The following PITPNA variants were observed in gnomAD, a reference collection of about 807,000 sequenced individuals.
The protein encoded by PITPNA is phosphatidylinositol transfer protein alpha, also known as phosphatidylinositol transfer protein alpha isoform.
In PITPNA, 13 loss-of-function variants were observed where a neutral mutation model predicts 50.3. The ratio of observed to expected loss-of-function variants is 0.26; its 90% CI spans 0.17 to 0.41. The LOEUF (loss-of-function observed/expected upper bound fraction) is 0.41. Among genes scored for constraint, PITPNA ranks in the 10% least tolerant of loss-of-function variants. The pLI, the probability that PITPNA is intolerant of heterozygous loss-of-function variation, is 1.00. For missense variants in PITPNA, 207 were observed against 333.4 expected, an observed-to-expected ratio of 0.62 and a Z score of 2.95; for synonymous variants, 120 against 119.6, an observed-to-expected ratio of 1.00 and a Z score of -0.02.
intron 10 of PITPNA, among the ~76,000 whole-genome samples, chr17:1,532,101 T>G (rs1290728811): frequency 6.6e-6 from 1 of 152,200 alleles, no homozygotes; most frequent in Non-Finnish European, 1.5e-5. Context: ...TTTCTTTTTT[T>G]CCTTGAGACG....
chr17:1,528,723 C>A (rs544850571), intron 10 of PITPNA, among the ~76,000 whole-genome samples: 3 of 149,722 alleles, frequency 2.0e-5, no homozygotes, highest in South Asian at 2.1e-4. Context: ...GGCCACAGAG[C>A]GAGACTGTCT....
intron 6 of PITPNA, among the ~76,000 whole-genome samples, chr17:1,539,882 G>A (rs139506278): frequency 2.6e-5 from 4 of 152,362 alleles, no homozygotes; most frequent in African/African-American, 4.8e-5. Flanking sequence ...GATTACAGGC[G>A]TGGGCTACCA....
intron 10 of PITPNA, among the ~76,000 whole-genome samples, chr17:1,522,071 C>CTTTTCTTTTTTTTTTT (rs751204255): frequency 3.5e-5 from 5 of 141,614 alleles, no homozygotes; most frequent in South Asian, 2.2e-4. Flanking sequence ...TATGAAACAT[C>CTTTTCTTTTTTTTTTT]TTTTTTTTTT....
intron 10 of PITPNA, among the ~76,000 whole-genome samples, chr17:1,528,500 A>G (rs1223762396): frequency 6.6e-6 from 1 of 152,182 alleles, no homozygotes; most frequent in Non-Finnish European, 1.5e-5. Flanking sequence ...TAATCCCAGC[A>G]CTTTGGGAAA....
At chr17:1,546,004 T>C (rs773173896) in intron 4 of PITPNA, among the ~76,000 whole-genome samples, 6 of 150,244 alleles carry the variant, frequency 4.0e-5, no homozygotes, top group African/African-American at 9.8e-5. Flanking sequence ...CTCGGCTCAC[T>C]GTAACCTCCG....
At chr17:1,556,240 T>G (rs558867181) in intron 2 of PITPNA, among the ~76,000 whole-genome samples, 1 of 152,340 alleles carries the variant, frequency 6.6e-6, no homozygotes, top group East Asian at 1.9e-4. Context: ...GGTACTTTCT[T>G]GTCAATGGTT....
At chr17:1,535,088 C>T (rs1263310021) in intron 9 of PITPNA, 94 bp downstream of exon 9, 3 of 763,048 alleles carry the variant, frequency 3.9e-6, no homozygotes, top group Non-Finnish European at 6.8e-6. Context: ...GGGAAGGCCT[C>T]AGCCGAGCTA....
At chr17:1,549,906 C>T (rs2151012004) in intron 3 of PITPNA, among the ~76,000 whole-genome samples, 1 of 152,006 alleles carries the variant, frequency 6.6e-6, no homozygotes, top group Admixed American at 6.5e-5. Context: ...AACTCCTGAC[C>T]TCGGGCAATC....
intron 4 of PITPNA, among the ~76,000 whole-genome samples, chr17:1,547,606 T>C (rs547545395): frequency 3.9e-5 from 6 of 151,938 alleles, no homozygotes; most frequent in African/African-American, 1.4e-4. Flanking sequence ...GCCAAGATTG[T>C]GCCATTGCTC....
chr17:1,523,926 T>A (rs1420226427), intron 10 of PITPNA, among the ~76,000 whole-genome samples: 1 of 152,180 alleles, frequency 6.6e-6, no homozygotes, highest in Admixed American at 6.6e-5. Flanking sequence ...CCCAAAGTGC[T>A]GGGATTACAG....
chr17:1,558,835 C>T (rs2075753778), intron 1 of PITPNA, among the ~76,000 whole-genome samples: 1 of 142,238 alleles, frequency 7.0e-6, no homozygotes, highest in Non-Finnish European at 1.5e-5. Flanking sequence ...ACCCTCTGTA[C>T]CTTGAGGCAT....
chr17:1,538,814 T>C (rs756241071), intron 7 of PITPNA, 55 bp downstream of exon 7: 32 of 1,084,436 alleles, frequency 3.0e-5, no homozygotes, highest in Non-Finnish European at 3.5e-5. Flanking sequence ...TTCTTTAGCA[T>C]TGAGAAGTCA....
intron 2 of PITPNA, among the ~76,000 whole-genome samples, chr17:1,554,390 ATTTTTTTTTTTTT>A (rs61238602): frequency 1.6e-3 from 105 of 66,094 alleles, no homozygotes; most frequent in Admixed American, 2.1e-3. Context: ...GTGTTTCTCT[ATTTTTTTTTTTTT>A]TTTTTTTTTT....
intron 10 of PITPNA, among the ~76,000 whole-genome samples, chr17:1,530,610 A>G (rs2075575437): frequency 6.6e-6 from 1 of 152,202 alleles, no homozygotes. Context: ...ACTAACAGTC[A>G]TAATTCCTAT....
intron 4 of PITPNA, among the ~76,000 whole-genome samples, chr17:1,547,917 C>A (rs1302033009): frequency 1.3e-5 from 2 of 152,038 alleles, no homozygotes; most frequent in Non-Finnish European, 2.9e-5. Flanking sequence ...TTGCTTGAAC[C>A]CGGGAGCCAG....
At chr17:1,533,838 A>C (rs2075598363) in intron 10 of PITPNA, among the ~76,000 whole-genome samples, 1 of 151,854 alleles carries the variant, frequency 6.6e-6, no homozygotes, top group Non-Finnish European at 1.5e-5. Context: ...TAGCAGCTGT[A>C]TTACCCACTT....
Position 1,562,481 on chromosome 17 carries a change from C to A in PITPNA, c.20+60G>T. 2.2e-6 allele frequency: 3 copies of A among 1,348,758 alleles called. No homozygotes were observed. Among genetic ancestry groups the A allele is most frequent in the Non-Finnish European group, 2.9e-6 (3 of 1,024,916 alleles). 83.5% of individuals were successfully genotyped at this position (1,348,758 alleles called of 1,614,324 possible). On this transcript the variant is annotated intron_variant, in intron 1 of 11. Coordinates refer to ENST00000313486, the MANE Select transcript of PITPNA (RefSeq NM_006224.4). This position sits in a 1 kb window ranked among gnomAD's most constrained non-coding sequence, Gnocchi z 6.4. ...CCCTGCGTCCCTCGCCGCGCCGTCGCCCCGGCGGCCGTCCCCACCCTCCCT... is the reference window on the plus strand; with the variant it reads ...CCCTGCGTCCCTCGCCGCGCCGTCGACCCGGCGGCCGTCCCCACCCTCCCT...
At chr17:1,530,660 A>G (rs1241522079) in intron 10 of PITPNA, among the ~76,000 whole-genome samples, 1 of 152,202 alleles carries the variant, frequency 6.6e-6, no homozygotes, top group East Asian at 1.9e-4. Context: ...GAAGACAGGC[A>G]TCTATCTCTA....
chr17:1,548,842 C>G (rs2075692568), intron 3 of PITPNA, among the ~76,000 whole-genome samples: 1 of 152,178 alleles, frequency 6.6e-6, no homozygotes, highest in Non-Finnish European at 1.5e-5. Context: ...TCTGAGAGGC[C>G]AGGAGGGCCT....
Sources: gnomAD v4.1 joint callset for allele counts (sites outside exome capture counted in the v4.1 genomes callset) on GRCh38, gnomAD v4.1.1 for gene constraint, Gnocchi (gnomAD v3.1) non-coding constraint, MANE v1.5 for transcripts, NCBI Gene and HGNC (gene_info 2026-07-23, HGNC 2026-07-21) for gene names.